C1orf105: variants seen among roughly 807,000 people sequenced by gnomAD.
C1orf105 encodes chromosome 1 open reading frame 105.
Under a neutral mutation model 20.8 loss-of-function variants are expected in C1orf105, and 17 were observed. The ratio of observed to expected loss-of-function variants is 0.82; its 90% CI spans 0.56 to 1.23. C1orf105 has a LOEUF of 1.23. Among genes scored for constraint, C1orf105 ranks in the 50% most tolerant of loss-of-function variants. The pLI, the probability that C1orf105 is intolerant of heterozygous loss-of-function variation, is 0.00. For synonymous variants in C1orf105, 72 were observed against 72.1 expected, an observed-to-expected ratio of 1.00 and a Z score of 0.01; for missense variants, 219 against 213.5, an observed-to-expected ratio of 1.03 and a Z score of -0.16.
intron 3 of C1orf105, among the ~76,000 whole-genome samples, chr1:172,449,877 C>G (rs192711071): frequency 2.6e-5 from 4 of 152,184 alleles, no homozygotes; most frequent in African/African-American, 4.8e-5. Flanking sequence ...TGTGAACTTC[C>G]TATTTAGACA....
At chr1:172,434,651 G>A (rs1250010763) in intron 1 of C1orf105, among the ~76,000 whole-genome samples, 1 of 152,166 alleles carries the variant, frequency 6.6e-6, no homozygotes, top group African/African-American at 2.4e-5. Flanking sequence ...AGAAAAGCAG[G>A]AAAGATCTAA....
intron 3 of C1orf105, among the ~76,000 whole-genome samples, chr1:172,450,341 G>C (rs1558138246): frequency 1.3e-5 from 2 of 152,180 alleles, no homozygotes; most frequent in East Asian, 1.9e-4. Context: ...TGCTCTGTTG[G>C]GGCACCAGGC....
At chr1:172,433,558 G>A (rs1224474512) in intron 1 of C1orf105, among the ~76,000 whole-genome samples, 3 of 152,208 alleles carry the variant, frequency 2.0e-5, no homozygotes, top group South Asian at 2.1e-4. Context: ...AATGCTGAGA[G>A]ATGTTGTCAC....
At chr1:172,448,340 G>C (rs186385768) in intron 2 of C1orf105, 101 bp from the exon 3 acceptor site, 4 of 754,274 alleles carry the variant, frequency 5.3e-6, no homozygotes, top group Non-Finnish European at 9.0e-6. Context: ...GTGGAAGATA[G>C]CTCCCTGTGG....
rs1451984193 is a variant in C1orf105, at chr1:172,468,600, A to G, written c.*6A>G. 2.5e-6 allele frequency: 4 copies of G among 1,612,496 alleles called. No homozygotes were observed. Among genetic ancestry groups the G allele is most frequent in the Non-Finnish European group, 3.4e-6 (4 of 1,178,926 alleles). On this transcript the variant is annotated 3_prime_UTR_variant, in exon 7 of 7. Transcript: ENST00000367727. ...GCAAGACAACGAGGCAGTGAGCGGTAGGAGCTCATCACCTCCCAGACTCCC... is the reference window on the plus strand; with the variant it reads ...GCAAGACAACGAGGCAGTGAGCGGTGGGAGCTCATCACCTCCCAGACTCCC...
At chr1:172,442,478 A>G in intron 1 of C1orf105, 2 of 1,614,178 alleles carry the variant, frequency 1.2e-6, no homozygotes, top group South Asian at 1.1e-5. Flanking sequence ...ACCACAGCCC[A>G]ATATTGGTAT....
intron 3 of C1orf105, 46 bp from the exon 4 acceptor site, chr1:172,456,369 A>C (rs200710564): frequency 2.6e-6 from 4 of 1,532,088 alleles, no homozygotes; most frequent in Middle Eastern, 1.7e-4. Context: ...GCTGCCCTAC[A>C]TGCCCCACCA....
At position 172,468,499 on chromosome 1, in the gene C1orf105, C is replaced by T; in HGVS notation, c.457C>T (p.His153Tyr). 1 of 1,613,898 alleles carries T rather than the reference C, an allele frequency of 6.2e-7. No homozygotes were observed. Among genetic ancestry groups the T allele is most frequent in the Non-Finnish European group, 8.5e-7 (1 of 1,179,848 alleles). ...TCTGGGCCCCAGGACAGCTGTCTTC[C>T]ACGGATTACTGACAGAGGCCTACAA... Reference protein sequence around the residue: ...PILGPRTAVFHGLLTEAYKTL... With the variant: ...PILGPRTAVFYGLLTEAYKTL... The change falls in exon 7 of 7, where the codon CAC (histidine) becomes TAC (tyrosine). Residue 153 changes from histidine (H) to tyrosine (Y), a missense_variant. Coordinates refer to ENST00000367727, the MANE Select transcript of C1orf105 (RefSeq NM_139240.4).
At chr1:172,463,676 T>A (rs1240417846) in intron 5 of C1orf105, among the ~76,000 whole-genome samples, 1 of 152,250 alleles carries the variant, frequency 6.6e-6, no homozygotes, top group African/African-American at 2.4e-5. Flanking sequence ...AAATAACCTT[T>A]CGAAATTTGT....
rs142065090 is a variant in C1orf105, at chr1:172,460,720, A to G, written c.274-1458A>G. On this transcript the variant is annotated intron_variant, in intron 4 of 6. Coordinates refer to ENST00000367727, the MANE Select transcript of C1orf105 (RefSeq NM_139240.4). The stretch of plus-strand genomic sequence containing the variant: ...GGAGTCAACAAATAAATAAATAATG[A>G]CAACAGAATGTAATCAATATAAACA... Among the ~76,000 whole-genome samples, 1,022 of 152,328 alleles carry G rather than the reference A, an allele frequency of 6.7e-3. 15 individuals carry two copies. The highest frequency in any genetic ancestry group is 0.023 in the African/African-American group (976 of 41,584).
intron 1 of C1orf105, chr1:172,442,399 A>G (rs1647412943): frequency 1.2e-6 from 2 of 1,613,958 alleles, no homozygotes; most frequent in Non-Finnish European, 1.7e-6. Context: ...ACCCTCATCC[A>G]TATACCACCA....
intron 1 of C1orf105, among the ~76,000 whole-genome samples, chr1:172,435,067 T>C (rs1186343041): frequency 2.0e-5 from 3 of 152,176 alleles, no homozygotes; most frequent in Admixed American, 1.3e-4. Context: ...AATCTCTGAC[T>C]AGACCAATAA....
intron 6 of C1orf105, 166 bp downstream of exon 6, chr1:172,465,529 A>G (rs1210870060): frequency 1.4e-6 from 1 of 697,422 alleles, no homozygotes; most frequent in Non-Finnish European, 2.6e-6. Flanking sequence ...ATTGGTTCAC[A>G]GCCCTTCTTT....
chr1:172,425,938 G>A (rs532791137), intron 1 of C1orf105, among the ~76,000 whole-genome samples: 1 of 142,290 alleles, frequency 7.0e-6, no homozygotes, highest in South Asian at 2.4e-4. Context: ...TGGAACTTAT[G>A]TCATTAACCT....
chr1:172,446,123 G>C (rs1464436274), intron 2 of C1orf105, among the ~76,000 whole-genome samples: 1 of 152,142 alleles, frequency 6.6e-6, no homozygotes, highest in South Asian at 2.1e-4. Flanking sequence ...GACGGTTTTA[G>C]TATTTTCAGA....
intron 1 of C1orf105, among the ~76,000 whole-genome samples, chr1:172,435,279 G>A (rs578019550): frequency 6.6e-6 from 1 of 152,084 alleles, no homozygotes; most frequent in Non-Finnish European, 1.5e-5. Context: ...CCAAAGCCTG[G>A]CAAAGACACA....
At chr1:172,428,038 T>C (rs905556968) in intron 1 of C1orf105, among the ~76,000 whole-genome samples, 10 of 152,136 alleles carry the variant, frequency 6.6e-5, no homozygotes, top group African/African-American at 2.4e-4. Context: ...AATCTCCAGT[T>C]ACCATCCCTC....
In C1orf105 at chr1:172,422,719, A is replaced by C. The variant is rs74126216; in HGVS notation, c.21+1813A>C. On this transcript the variant is annotated intron_variant, in intron 1 of 6. Transcript: ENST00000367727. The stretch of plus-strand genomic sequence containing the variant: ...TTCCAGTCCTTGGCTCTTGGATGGC[A>C]TCTCTGGACCTATTCTAGGCCAGAG... 4.3e-3 allele frequency among the ~76,000 whole-genome samples: 652 copies of C among 151,750 alleles called. 4 individuals carry two copies. The highest frequency in any genetic ancestry group is 0.02 in the Middle Eastern group (6 of 294).
intron 1 of C1orf105, chr1:172,442,859 A>T: frequency 2.1e-6 from 1 of 482,628 alleles, no homozygotes; most frequent in Non-Finnish European, 3.8e-6. Context: ...TGAACCTACG[A>T]AAGTTGTGAA....
Sources: allele counts gnomAD v4.1 joint callset (sites outside exome capture counted in the v4.1 genomes callset), GRCh38; gene constraint gnomAD v4.1.1; transcripts MANE v1.5; gene names NCBI Gene and HGNC (gene_info 2026-07-23, HGNC 2026-07-21).